The following FBN2 variants were observed in gnomAD, a reference collection of about 807,000 sequenced individuals.
FBN2 encodes the protein fibrillin 2.
A neutral mutation model predicts 355.6 loss-of-function variants in FBN2; 105 were observed. That is an observed-to-expected ratio of 0.30 (90% CI 0.25 to 0.35). The LOEUF (loss-of-function observed/expected upper bound fraction) is 0.35, where lower values mean the gene tolerates loss of function less well. Among genes scored for constraint, FBN2 ranks in the 10% least tolerant of loss-of-function variants. The probability of loss-of-function intolerance (pLI) is 1.00; values close to 1 mark genes in which losing one functional copy is unlikely to be tolerated. For synonymous variants in FBN2, 1,350 were observed against 1,301.2 expected (o/e 1.04, Z -0.81); for missense variants, 3,280 against 3,758.7 (o/e 0.87, Z 3.33).
chr5:128,344,504 T>C lies in FBN2; in HGVS notation c.3224A>G (p.Asn1075Ser). 1.2e-6 allele frequency: 2 copies of C among 1,613,772 alleles called. No individual in the cohort carries two copies. Among genetic ancestry groups the C allele is most frequent in the Non-Finnish European group, 1.7e-6 (2 of 1,179,746 alleles). ...CATCCCAGGAAATGCTTTGCATTCATTGATGTCTAAAAGCAGAATGAAGCC... is the reference window on the plus strand; with the variant it reads ...CATCCCAGGAAATGCTTTGCATTCACTGATGTCTAAAAGCAGAATGAAGCC... ...LTGRPFYKDI[N>S]ECKAFPGMCT... Residue 1075 changes from asparagine (N) to serine (S), a missense_variant, in exon 25 of 65, where the codon AAT (asparagine) becomes AGT (serine). Physicochemically the swap from Asn to Ser is conservative, Grantham distance 46 (BLOSUM62 1). Transcript: ENST00000262464.
intron 2 of FBN2, among the ~76,000 whole-genome samples, chr5:128,535,817 CA>C (rs10676699): frequency 1.7e-3 from 199 of 118,378 alleles, no homozygotes; most frequent in East Asian, 0.011. Context: ...TTCCAAAAAG[CA>C]AAAAAAAAAA....
At chr5:128,271,634 A>C (rs1266235030) in intron 62 of FBN2, among the ~76,000 whole-genome samples, 3 of 152,176 alleles carry the variant, frequency 2.0e-5, no homozygotes, top group Non-Finnish European at 4.4e-5. Flanking sequence ...GATTCGTATG[A>C]GGGGAATGGA....
At chr5:128,487,672 A>G (rs1002185752) in intron 5 of FBN2, among the ~76,000 whole-genome samples, 1 of 144,230 alleles carries the variant, frequency 6.9e-6, no homozygotes, top group Non-Finnish European at 1.5e-5. Context: ...TTGAAGAATC[A>G]ATGAATGTTT....
rs1313217789 is a variant in FBN2 at position 128,334,867 on chromosome 5, C to G, written c.3974-23G>C. ...CATCTAGAAAATTTATTTTCAATAT[C>G]TTAGTATGTGCTCATCACAGTAATT... On this transcript the variant is annotated intron_variant, in intron 30 of 64. Coordinates refer to ENST00000262464, the MANE Select transcript of FBN2 (RefSeq NM_001999.4). 1.9e-6 allele frequency: 3 copies of G among 1,590,574 alleles called. No individual in the cohort carries two copies. The Admixed American group carries it at 5.0e-5, about 27-fold the overall frequency.
intron 11 of FBN2, among the ~76,000 whole-genome samples, chr5:128,390,887 AT>A (rs1376189048): frequency 6.6e-6 from 1 of 152,230 alleles, no homozygotes; most frequent in Non-Finnish European, 1.5e-5. Context: ...CAGAAAGATT[AT>A]TTAACACTGT....
Position 128,418,388 on chromosome 5 carries a change from GGGTTT to G in FBN2, c.953-9594_953-9590del, listed in dbSNP as rs1753259755. ...TTATTTCTTTCCTTCCACTAATTTT[GGGTTT>G]GGTTTGTTCTTGCTTTTCTAGTTCC... On this transcript the variant is annotated intron_variant, in intron 7 of 64. Transcript: ENST00000262464. Among the ~76,000 whole-genome samples the G allele has an allele frequency of 2.0e-5, 3 of 151,888 alleles. No individual in the cohort carries two copies. The South Asian group carries it at 6.2e-4, about 32-fold the overall frequency.
At chr5:128,494,442 A>T (rs79530525) in intron 5 of FBN2, among the ~76,000 whole-genome samples, 6,959 of 152,220 alleles carry the variant, frequency 0.046, 278 homozygotes, top group African/African-American at 0.11. Flanking sequence ...GTCTTTTTGG[A>T]GTCAGAGGCT....
intron 15 of FBN2, 32 bp from the exon 16 acceptor site, chr5:128,369,366 C>T (rs765205520): frequency 6.2e-7 from 1 of 1,611,838 alleles, no homozygotes; most frequent in Non-Finnish European, 8.5e-7. Flanking sequence ...TGACTTGAGG[C>T]AGTGATAGAG....
chr5:128,476,404 T>C (rs1755006442), intron 5 of FBN2, among the ~76,000 whole-genome samples: 1 of 151,204 alleles, frequency 6.6e-6, no homozygotes, highest in African/African-American at 2.4e-5. Context: ...ACCATCAAAA[T>C]AAAATGAGTA....
intron 15 of FBN2, among the ~76,000 whole-genome samples, chr5:128,371,676 G>A (rs866140603): frequency 1.3e-5 from 2 of 152,040 alleles, no homozygotes; most frequent in Admixed American, 6.5e-5. Flanking sequence ...TGGGATTACA[G>A]GTGCACACCA....
intron 8 of FBN2, among the ~76,000 whole-genome samples, chr5:128,404,162 T>C (rs948745740): frequency 3.3e-5 from 5 of 152,212 alleles, no homozygotes; most frequent in Non-Finnish European, 5.9e-5. Context: ...CTCCAACATA[T>C]ATAATTCAAC....
chr5:128,480,758 C>T (rs1233269518), intron 5 of FBN2, among the ~76,000 whole-genome samples: 1 of 152,112 alleles, frequency 6.6e-6, no homozygotes, highest in Admixed American at 6.5e-5. Context: ...TCCTCAGCAC[C>T]GGTTAGCTGT....
Position 128,395,149 on chromosome 5 carries a change from G to A in FBN2, c.1204C>T (p.Pro402Ser). 1.2e-6 allele frequency: 2 copies of A among 1,614,100 alleles called. No individual in the cohort carries two copies. The highest frequency in any genetic ancestry group is 1.7e-6 in the Non-Finnish European group (2 of 1,180,004). ...GAACCTCTGACAGGACAGGCTTCAG[G>A]AATGGTTCCGATGCCCCAGCAGCGG... ...PGRCWGIGTI[P>S]EACPVRGSEE... is the part of the protein sequence containing the mutation. Residue 402 changes from proline (P) to serine (S), a missense_variant, in exon 9 of 65, where the codon CCT becomes TCT. Pro to Ser is a moderately conservative substitution (Grantham distance 74, BLOSUM62 -1). Transcript: ENST00000262464.
At chr5:128,353,214 AC>A (rs1263544033) in intron 20 of FBN2, among the ~76,000 whole-genome samples, 10 of 151,578 alleles carry the variant, frequency 6.6e-5, no homozygotes, top group African/African-American at 2.2e-4. Context: ...CAACAAAAAT[AC>A]CCCCCTGCCC....
intron 25 of FBN2, among the ~76,000 whole-genome samples, chr5:128,342,922 T>G (rs1207924144): frequency 1.3e-5 from 2 of 152,058 alleles, no homozygotes; most frequent in African/African-American, 4.8e-5. Flanking sequence ...GAGACGGGGT[T>G]TCTCCATGTT....
intron 5 of FBN2, among the ~76,000 whole-genome samples, chr5:128,491,108 T>C (rs1303730771): frequency 1.3e-5 from 2 of 152,188 alleles, no homozygotes; most frequent in East Asian, 1.9e-4. Flanking sequence ...AAACCTAATG[T>C]TACAGATTTT....
At position 128,278,070 on chromosome 5, in the gene FBN2, A is replaced by G. The variant is rs533420226; in HGVS notation, c.7346-65T>C. 2.5e-5 allele frequency: 39 copies of G among 1,547,452 alleles called. No homozygotes were observed. The South Asian group carries it at 4.0e-4, about 16-fold the overall frequency. On this transcript the variant is annotated intron_variant, in intron 57 of 64. Transcript: ENST00000262464. ...ATATGCAAGGGTAAAACTGGTTAGAATCAAAGAGAAATGAAGAAATGGAGA... is the reference window on the plus strand; with the variant it reads ...ATATGCAAGGGTAAAACTGGTTAGAGTCAAAGAGAAATGAAGAAATGGAGA...
intron 5 of FBN2, among the ~76,000 whole-genome samples, chr5:128,468,267 T>C (rs1372607932): frequency 2.6e-5 from 4 of 152,200 alleles, no homozygotes; most frequent in African/African-American, 9.6e-5. Context: ...CATGGATCAA[T>C]ACTTCATTTC....
At chr5:128,514,928 A>G (rs1359164679) in intron 5 of FBN2, among the ~76,000 whole-genome samples, 1 of 152,242 alleles carries the variant, frequency 6.6e-6, no homozygotes, top group Non-Finnish European at 1.5e-5. Context: ...CACTGGGTAT[A>G]GAATTCTATG....
Sources: gnomAD v4.1 joint callset for allele counts (sites outside exome capture counted in the v4.1 genomes callset) on GRCh38, gnomAD v4.1.1 for gene constraint, MANE v1.5 for transcripts, NCBI Gene and HGNC (gene_info 2026-07-23, HGNC 2026-07-21) for gene names.